Variants in PACC1 observed in about 807,000 individuals in gnomAD.
The protein encoded by PACC1 is proton-activated chloride channel.
In PACC1, 34 loss-of-function variants were observed where a neutral mutation model predicts 39.7. That is an observed-to-expected ratio of 0.86 (90% CI 0.65 to 1.14). The LOEUF (loss-of-function observed/expected upper bound fraction) is 1.14. Ranked by LOEUF, PACC1 falls within the 50% of genes most tolerant of loss-of-function variation. PACC1 has a pLI of 0.00. For missense variants in PACC1, 379 were observed against 436.4 expected (o/e 0.87, Z 1.17); for synonymous variants, 127 against 160.6 (o/e 0.79, Z 1.58).
chr1:212,377,943 C>T (rs564111266), intron 5 of PACC1, among the ~76,000 whole-genome samples: 1 of 152,296 alleles, frequency 6.6e-6, no homozygotes, highest in African/African-American at 2.4e-5. Flanking sequence ...GGCCTCAAGG[C>T]AGGAACATGA....
intron 7 of PACC1, among the ~76,000 whole-genome samples, chr1:212,374,683 AT>A (rs1050031814): frequency 1.3e-5 from 2 of 152,128 alleles, no homozygotes; most frequent in African/African-American, 4.8e-5. Context: ...TTATGTATCA[AT>A]TTTTTTAAAA....
intron 2 of PACC1, among the ~76,000 whole-genome samples, chr1:212,398,256 C>A (rs1661591860): frequency 6.6e-6 from 1 of 152,096 alleles, no homozygotes; most frequent in Non-Finnish European, 1.5e-5. Context: ...GGAGGCAGGG[C>A]AGAATATAGT....
At chr1:212,375,334 C>G (rs1031252922) in intron 6 of PACC1, 34 bp from the exon 7 acceptor site, 1 of 1,462,334 alleles carries the variant, frequency 6.8e-7, no homozygotes, top group Non-Finnish European at 9.6e-7. Context: ...GTGTTACCAC[C>G]TCTGTGTGCC....
chr1:212,388,054 CAAAAAAA>C (rs57874166), intron 2 of PACC1, among the ~76,000 whole-genome samples: 2,138 of 100,598 alleles, frequency 0.021, 53 homozygotes, highest in African/African-American at 0.063. Flanking sequence ...AACTCCATCT[CAAAAAAA>C]AAAAAAAAAG....
intron 2 of PACC1, among the ~76,000 whole-genome samples, chr1:212,408,800 A>C (rs531289010): frequency 1.3e-5 from 2 of 152,342 alleles, no homozygotes; most frequent in Admixed American, 1.3e-4. Flanking sequence ...ACAAATCTTT[A>C]TGGCGTGGTC....
intron 7 of PACC1, among the ~76,000 whole-genome samples, chr1:212,366,591 G>A (rs1660254675): frequency 1.3e-5 from 2 of 152,040 alleles, no homozygotes; most frequent in South Asian, 4.1e-4. Flanking sequence ...AATTTAGCAG[G>A]GTGACCTTAG....
At chr1:212,392,425 A>G (rs879391527) in intron 2 of PACC1, among the ~76,000 whole-genome samples, 3 of 152,256 alleles carry the variant, frequency 2.0e-5, no homozygotes, top group Non-Finnish European at 2.9e-5. Context: ...CTGCCCTAAA[A>G]GAGCTCCTGA....
At chr1:212,377,419 TG>T in intron 6 of PACC1, 142 bp downstream of exon 6, 1 of 1,115,180 alleles carries the variant, frequency 9.0e-7, no homozygotes, top group Non-Finnish European at 1.3e-6. Context: ...AAGCCCTCCA[TG>T]GGAGTCCCTT....
chr1:212,374,197 A>G (rs780958397), intron 7 of PACC1, among the ~76,000 whole-genome samples: 3 of 151,546 alleles, frequency 2.0e-5, no homozygotes, highest in Admixed American at 6.6e-5. Context: ...TGTGGTGTGT[A>G]TATATATATA....
chr1:212,393,620 A>C (rs1661407068), intron 2 of PACC1, among the ~76,000 whole-genome samples: 1 of 152,178 alleles, frequency 6.6e-6, no homozygotes, highest in Non-Finnish European at 1.5e-5. Context: ...GACACAAAAA[A>C]CGCTTCAAAA....
chr1:212,378,184 A>G (rs2102481907), intron 5 of PACC1, among the ~76,000 whole-genome samples: 1 of 152,342 alleles, frequency 6.6e-6, no homozygotes, highest in African/African-American at 2.4e-5. Context: ...TCTCAGCCAG[A>G]TGGGTCACCT....
intron 4 of PACC1, among the ~76,000 whole-genome samples, chr1:212,381,769 T>TCACACACACACA (rs1660901884): frequency 5.2e-5 from 1 of 19,122 alleles, no homozygotes; most frequent in African/African-American, 5.2e-4. Context: ...GACAGCACAG[T>TCACACACACACA]GACACACACA....
At position 212,414,050 on chromosome 1, in the gene PACC1, G is replaced by A. The variant is rs906309946; in HGVS notation, c.36+672C>T. The stretch of plus-strand genomic sequence containing the variant: ...ACAGCTGGAGAAGTGAGGAGGCAGG[G>A]CTTGCTTGAAGGAAGCGCTGGACGC... On this transcript the variant is annotated intron_variant, in intron 1 of 7. Coordinates refer to ENST00000261455, the MANE Select transcript of PACC1 (RefSeq NM_018252.3). 6 of 1,535,338 alleles carry A rather than the reference G, an allele frequency of 3.9e-6. No homozygotes were observed. In the South Asian group the frequency reaches 7.1e-5, roughly 18 times the overall value.
At chr1:212,369,143 G>C (rs1324796868) in intron 7 of PACC1, among the ~76,000 whole-genome samples, 1 of 152,018 alleles carries the variant, frequency 6.6e-6, no homozygotes, top group Non-Finnish European at 1.5e-5. Context: ...TGTGATCAAA[G>C]TTAAGTTGTC....
chr1:212,393,034 G>GA (rs1197235624), intron 2 of PACC1, among the ~76,000 whole-genome samples: 1 of 151,754 alleles, frequency 6.6e-6, no homozygotes, highest in Non-Finnish European at 1.5e-5. Flanking sequence ...CAACAAGACA[G>GA]AAAGTTAACA....
At chr1:212,407,569 G>A (rs1661962676) in intron 2 of PACC1, among the ~76,000 whole-genome samples, 1 of 152,224 alleles carries the variant, frequency 6.6e-6, no homozygotes, top group Non-Finnish European at 1.5e-5. Context: ...ATGTCAGAGG[G>A]AGGATTAGCC....
At position 212,408,532 on chromosome 1, in the gene PACC1, TG is replaced by T. The variant is rs1490474364; in HGVS notation, c.133+1892del. Among the ~76,000 whole-genome samples the T allele has an allele frequency of 2.0e-5, 3 of 152,074 alleles. No homozygotes were observed. In the East Asian group the frequency reaches 5.8e-4, roughly 29 times the overall value. On this transcript the variant is annotated intron_variant, in intron 2 of 7. Transcript: ENST00000261455. ...TGTGCCACCACACCTGGCTAATTTT[TG>T]TATTTTTTAGTAGAGACAGGGTTTC...
chr1:212,375,132 C>T, intron 7 of PACC1, 61 bp downstream of exon 7: 1 of 1,343,960 alleles, frequency 7.4e-7, no homozygotes, highest in East Asian at 2.5e-5. Context: ...ATACATCTAT[C>T]ATAATCTTAA....
intron 4 of PACC1, among the ~76,000 whole-genome samples, chr1:212,381,770 G>GACACAGTGACACACACACACACACACAC (rs1553281060): frequency 2.1e-4 from 25 of 118,144 alleles, no homozygotes; most frequent in African/African-American, 8.3e-4. Context: ...ACAGCACAGT[G>GACACAGTGACACACACACACACACACAC]ACACACACAC....
Sources: gnomAD v4.1 joint callset for allele counts (sites outside exome capture counted in the v4.1 genomes callset) on GRCh38, gnomAD v4.1.1 for gene constraint, MANE v1.5 for transcripts, NCBI Gene and HGNC (gene_info 2026-07-23, HGNC 2026-07-21) for gene names.